PKIB: variants seen among roughly 807,000 people sequenced by gnomAD.
PKIB encodes PKI-beta.
Under a neutral mutation model 4.5 loss-of-function variants are expected in PKIB, and 2 were observed. The observed-to-expected ratio is 0.44, with a 90% CI of 0.18 to 1.39. The LOEUF (loss-of-function observed/expected upper bound fraction) is 1.39. Ranked by LOEUF, PKIB falls within the 40% of genes most tolerant of loss-of-function variation. PKIB has a pLI of 0.27. For missense variants in PKIB, 94 were observed against 92.6 expected, an observed-to-expected ratio of 1.02 and a Z score of -0.06; for synonymous variants, 38 against 36.0, an observed-to-expected ratio of 1.06 and a Z score of -0.20.
chr6:122,590,753 A>G (rs1368480703), intron 3 of PKIB, among the ~76,000 whole-genome samples: 1 of 152,188 alleles, frequency 6.6e-6, no homozygotes, highest in Non-Finnish European at 1.5e-5. Context: ...AGCATGCCCA[A>G]GAAAAAAGGG....
rs187427553 is a variant in PKIB at position 122,595,402 on chromosome 6, G to A, written c.-161+9395G>A. Among the ~76,000 whole-genome samples the A allele has an allele frequency of 1.2e-4, 18 of 152,252 alleles. No individual in the cohort carries two copies. The East Asian group carries it at 2.1e-3, about 18-fold the overall frequency. On this transcript the variant is annotated intron_variant, in intron 3 of 6. Transcript: ENST00000392491. ...ATTCCATGAGCATGAATCCACTGCC[G>A]CACTTCTTTAGCCATAAGGTGAGTG...
intron 2 of PKIB, among the ~76,000 whole-genome samples, chr6:122,500,236 G>A (rs1362004949): frequency 6.7e-6 from 1 of 148,262 alleles, no homozygotes; most frequent in Non-Finnish European, 1.5e-5. Flanking sequence ...ATTAAAAATA[G>A]TGGGAAAAAA....
At position 122,559,980 on chromosome 6, in the gene PKIB, T is replaced by A. The variant is rs192178707; in HGVS notation, c.-247-25941T>A. ...GTTTTCAAGGTAAACAATCATATCA[T>A]CAGCAAACAGTGACAGTTTGACTTT... On this transcript the variant is annotated intron_variant, in intron 2 of 6. Transcript: ENST00000392491. Among the ~76,000 whole-genome samples, 795 of 152,306 alleles carry A rather than the reference T, an allele frequency of 5.2e-3. 13 individuals are homozygous for A. The highest frequency in any genetic ancestry group is 0.019 in the African/African-American group (776 of 41,584).
intron 3 of PKIB, among the ~76,000 whole-genome samples, chr6:122,695,252 A>G (rs1318923947): frequency 6.6e-6 from 1 of 152,158 alleles, no homozygotes; most frequent in African/African-American, 2.4e-5. Flanking sequence ...AAAACAACCA[A>G]ATATTTAAAT....
intron 2 of PKIB, among the ~76,000 whole-genome samples, chr6:122,660,479 CTA>C (rs1295818788): frequency 1.3e-5 from 2 of 152,122 alleles, no homozygotes; most frequent in African/African-American, 4.8e-5. Context: ...CTCTTACAGA[CTA>C]AACCACAGAT....
At chr6:122,554,026 AG>A (rs1480947556) in intron 2 of PKIB, among the ~76,000 whole-genome samples, 1 of 152,252 alleles carries the variant, frequency 6.6e-6, no homozygotes, top group Non-Finnish European at 1.5e-5. Context: ...TTGCATTTAT[AG>A]GTCAACAGGT....
chr6:122,532,160 G>A (rs1777277396), intron 2 of PKIB, among the ~76,000 whole-genome samples: 1 of 152,102 alleles, frequency 6.6e-6, no homozygotes, highest in African/African-American at 2.4e-5. Context: ...TTAAATTGCA[G>A]ATAACAATTA....
chr6:122,621,037 T>G lies in PKIB; in HGVS notation c.-161+10502T>G, dbSNP rs144498738. Among the ~76,000 whole-genome samples, 317 of 152,196 alleles carry G rather than the reference T, an allele frequency of 2.1e-3. 1 individual carries two copies. Among genetic ancestry groups the G allele is most frequent in the Middle Eastern group, 0.01 (3 of 294 alleles). ...ATTATAATAAAGGGAGTACAAGCAATCTGGTCATTTTAACCTACTACCAGA... is the reference window on the plus strand; with the variant it reads ...ATTATAATAAAGGGAGTACAAGCAAGCTGGTCATTTTAACCTACTACCAGA... On this transcript the variant is annotated intron_variant, in intron 1 of 4. Transcript: ENST00000368452.
At chr6:122,592,775 GC>G (rs1264139094) in intron 3 of PKIB, among the ~76,000 whole-genome samples, 1 of 152,188 alleles carries the variant, frequency 6.6e-6, no homozygotes, top group Non-Finnish European at 1.5e-5. Flanking sequence ...AGTTAAGGAT[GC>G]AAGTACAGCA....
chr6:122,656,513 A>T (rs895958985), intron 2 of PKIB, among the ~76,000 whole-genome samples: 3 of 152,184 alleles, frequency 2.0e-5, no homozygotes, highest in Non-Finnish European at 4.4e-5. Context: ...TTTTTAGCCA[A>T]ACTGATGTAT....
intron 3 of PKIB, among the ~76,000 whole-genome samples, chr6:122,682,183 G>A (rs1777920915): frequency 6.6e-6 from 1 of 151,948 alleles, no homozygotes; most frequent in East Asian, 1.9e-4. Flanking sequence ...AATGGAAGAA[G>A]TGGGGAGTTA....
At chr6:122,700,505 G>A (rs1254542233) in intron 3 of PKIB, among the ~76,000 whole-genome samples, 1 of 152,074 alleles carries the variant, frequency 6.6e-6, no homozygotes, top group East Asian at 1.9e-4. Context: ...GGTAACATAG[G>A]TATTTCTCTA....
At position 122,626,075 on chromosome 6, in the gene PKIB, T is replaced by C. The variant is rs1485786763; in HGVS notation, c.-160-7208T>C. On this transcript the variant is annotated intron_variant, in intron 1 of 4. Transcript: ENST00000368452. Reference sequence around the variant, plus strand: ...CAGAGAGAGATCCAATTTCAAAATATAGATAGATAGATAGATAGATAGAGA... The same window carrying C: ...CAGAGAGAGATCCAATTTCAAAATACAGATAGATAGATAGATAGATAGAGA... Among the ~76,000 whole-genome samples the C allele has an allele frequency of 5.3e-5, 8 of 151,168 alleles. No individual in the cohort carries two copies. In the South Asian group the frequency reaches 1.7e-3, roughly 32 times the overall value.
chr6:122,586,425 G>A (rs142916113), intron 3 of PKIB, among the ~76,000 whole-genome samples: 28 of 152,050 alleles, frequency 1.8e-4, no homozygotes, highest in Admixed American at 5.2e-4. Flanking sequence ...TACAAATTAC[G>A]TTGTCTTTAT....
intron 2 of PKIB, among the ~76,000 whole-genome samples, chr6:122,672,326 GAA>G (rs1777497303): frequency 6.6e-6 from 1 of 152,116 alleles, no homozygotes; most frequent in Admixed American, 6.5e-5. Flanking sequence ...CATTTAAAAA[GAA>G]AATATTCCTC....
chr6:122,507,669 AT>A (rs576003513), intron 2 of PKIB, among the ~76,000 whole-genome samples: 13,745 of 141,946 alleles, frequency 0.097, 770 homozygotes, highest in South Asian at 0.14. Context: ...TGGCTTAAAA[AT>A]TTTTTTTTTT....
rs550427663 is a variant in PKIB, at chr6:122,579,246, GC to G, written c.-247-6673del. Among the ~76,000 whole-genome samples the G allele has an allele frequency of 5.3e-5, 8 of 152,074 alleles. No homozygotes were observed. The South Asian group carries it at 1.7e-3, about 32-fold the overall frequency. ...GTCTTCTTACATTCTAATAAAACTG[GC>G]CTTTCCACTGATGCCCTGACACAAC... On this transcript the variant is annotated intron_variant, in intron 2 of 6. Coordinates refer to the PKIB transcript ENST00000392491.
At chr6:122,556,466 C>T (rs1175891852) in intron 2 of PKIB, among the ~76,000 whole-genome samples, 1 of 152,148 alleles carries the variant, frequency 6.6e-6, no homozygotes, top group Non-Finnish European at 1.5e-5. Flanking sequence ...CTTACTTGGA[C>T]ATGCTATTCT....
At chr6:122,708,725 C>T (rs1779156324) in intron 3 of PKIB, among the ~76,000 whole-genome samples, 1 of 152,134 alleles carries the variant, frequency 6.6e-6, no homozygotes, top group African/African-American at 2.4e-5. Flanking sequence ...CCTCCTCCTC[C>T]CGGGTTCAAG....
Sources: allele counts gnomAD v4.1 joint callset (sites outside exome capture counted in the v4.1 genomes callset), GRCh38; gene constraint gnomAD v4.1.1; transcripts MANE v1.5; gene names NCBI Gene and HGNC (gene_info 2026-07-23, HGNC 2026-07-21).